The following TOP1MT variants were observed in gnomAD, a reference collection of about 807,000 sequenced individuals.
TOP1MT encodes DNA topoisomerase I, mitochondrial.
A neutral mutation model predicts 73.9 loss-of-function variants in TOP1MT; 80 were observed. That is an observed-to-expected ratio of 1.08 (90% CI 0.90 to 1.30). The LOEUF is 1.30. Among genes scored for constraint, TOP1MT ranks in the 50% most tolerant of loss-of-function variants. The pLI is 0.00. For synonymous variants in TOP1MT, 338 were observed against 326.4 expected, an observed-to-expected ratio of 1.04 and a Z score of -0.38; for missense variants, 815 against 808.0, an observed-to-expected ratio of 1.01 and a Z score of -0.10.
rs1260221052 is a variant in TOP1MT at position 143,309,436 on chromosome 8, C to T, written c.*5G>A. The T allele has an allele frequency of 2.5e-6, 4 of 1,613,204 alleles. No homozygotes were observed. Among genetic ancestry groups the T allele is most frequent in the Admixed American group, 1.7e-5 (1 of 60,018 alleles). ...ATACAAAAGAAGTTTCAACACGGCT[C>T]GTCGTTAGAATTCAAAGTCTTCTCC... On this transcript the variant is annotated 3_prime_UTR_variant, in exon 14 of 14. Coordinates refer to ENST00000329245, the MANE Select transcript of TOP1MT (RefSeq NM_052963.3).
intron 12 of TOP1MT, among the ~76,000 whole-genome samples, chr8:143,312,733 G>C (rs995428541): frequency 1.3e-5 from 2 of 152,120 alleles, no homozygotes; most frequent in Non-Finnish European, 2.9e-5. Flanking sequence ...GAAATAAAAG[G>C]CATATGATTG....
intron 1 of TOP1MT, chr8:143,332,693 A>G (rs745576416): frequency 6.3e-6 from 4 of 634,038 alleles, no homozygotes; most frequent in Non-Finnish European, 9.9e-6. Context: ...TAGAAGACGT[A>G]GAGACGGAGC....
rs1031614983 is a variant in TOP1MT at position 143,353,449 on chromosome 8, T to C, written c.-39+2516A>G. Among the ~76,000 whole-genome samples, 19 of 148,704 alleles carry C rather than the reference T, an allele frequency of 1.3e-4. No individual in the cohort carries two copies. The East Asian group carries it at 3.7e-3, about 29-fold the overall frequency. On this transcript the variant is annotated intron_variant, in intron 1 of 5. Transcript: ENST00000518760. Reference sequence around the variant, plus strand: ...AAAAAAAAAAGGTAAAGATTGTAAATAAACATTTCTTCAAAGATGAGATAC... The same window carrying C: ...AAAAAAAAAAGGTAAAGATTGTAAACAAACATTTCTTCAAAGATGAGATAC...
upstream of TOP1MT, among the ~76,000 whole-genome samples, chr8:143,339,436 C>T (rs1193086827): frequency 6.6e-6 from 1 of 152,180 alleles, no homozygotes; most frequent in Non-Finnish European, 1.5e-5. Context: ...GTGACCTTGG[C>T]CCGGTTACTT....
Position 143,342,425 on chromosome 8 carries a change from GCT to G in TOP1MT, c.29+793_29+794del, listed in dbSNP as rs748741691. 2.7e-4 allele frequency among the ~76,000 whole-genome samples: 33 copies of G among 120,152 alleles called. 1 individual carries two copies. Among genetic ancestry groups the G allele is most frequent in the East Asian group, 7.1e-4 (3 of 4,226 alleles). 78.8% of individuals were successfully genotyped at this position (120,152 alleles called of 152,430 possible). ...TTATTATTATTAGAGACAGAGTCTC[GCT>G]CTGTTATTATTATTATTATTAGAGA... On this transcript the variant is annotated intron_variant, in intron 2 of 5. Transcript: ENST00000518007.
chr8:143,342,263 GTTATTA>G (rs754072900), intron 2 of TOP1MT, among the ~76,000 whole-genome samples: 11 of 125,200 alleles, frequency 8.8e-5, no homozygotes, highest in African/African-American at 2.4e-4. Context: ...GTCTCGCTCT[GTTATTA>G]TTATTATTAG....
chr8:143,323,347 T>G (rs1171687699), intron 7 of TOP1MT, among the ~76,000 whole-genome samples: 11 of 31,590 alleles, frequency 3.5e-4, no homozygotes, highest in East Asian at 1.1e-3. Flanking sequence ...GCCACACACA[T>G]GCACGCCACA....
At chr8:143,313,861 A>G (rs75794246) in intron 12 of TOP1MT, among the ~76,000 whole-genome samples, 1 of 131,356 alleles carries the variant, frequency 7.6e-6, no homozygotes, top group Admixed American at 7.3e-5. Flanking sequence ...TCTCCAAAGG[A>G]AAAAAAAAAA....
chr8:143,318,125 C>T, intron 8 of TOP1MT, 39 bp from the exon 9 acceptor site: 1 of 1,603,450 alleles, frequency 6.2e-7, no homozygotes, highest in Non-Finnish European at 8.5e-7. Flanking sequence ...ACAGAAAAAA[C>T]CCGAATCCAG....
chr8:143,350,535 TTGGCCAGGC>T (rs1490252362), intron 1 of TOP1MT, among the ~76,000 whole-genome samples: 2 of 152,172 alleles, frequency 1.3e-5, no homozygotes, highest in African/African-American at 4.8e-5. Context: ...TTTCGCCATG[TTGGCCAGGC>T]TGGCCTCGAA....
intron 3 of TOP1MT, chr8:143,327,421 TC>T (rs1186606590): frequency 6.4e-6 from 1 of 155,294 alleles, no homozygotes; most frequent in Non-Finnish European, 1.4e-5. Context: ...ACGGTCCCAG[TC>T]CAGGCTCGGC....
chr8:143,342,329 T>TGGA (rs1563771468), intron 2 of TOP1MT, among the ~76,000 whole-genome samples: 1 of 139,878 alleles, frequency 7.1e-6, no homozygotes, highest in Non-Finnish European at 1.5e-5. Flanking sequence ...AGAGTCTCGC[T>TGGA]GTTATTATTA....
upstream of TOP1MT, among the ~76,000 whole-genome samples, chr8:143,358,830 G>A (rs1210158371): frequency 1.3e-5 from 2 of 152,126 alleles, no homozygotes; most frequent in Non-Finnish European, 2.9e-5. Flanking sequence ...AACCGGCCAC[G>A]AGCCTCTGTT....
intron 1 of TOP1MT, 38 bp from the exon 2 acceptor site, chr8:143,331,377 A>C (rs1233782736): frequency 6.4e-7 from 1 of 1,564,470 alleles, no homozygotes; most frequent in Non-Finnish European, 8.8e-7. Flanking sequence ...CTCCTGGGCC[A>C]GGCCCTGCAT....
At chr8:143,329,304 G>A (rs1304559874) in intron 3 of TOP1MT, 46 bp downstream of exon 3, 1 of 1,539,458 alleles carries the variant, frequency 6.5e-7, no homozygotes. Context: ...CAGACGCCTA[G>A]CCAGCCAGGT....
At chr8:143,318,437 C>A (rs903705593) in intron 8 of TOP1MT, among the ~76,000 whole-genome samples, 13 of 152,242 alleles carry the variant, frequency 8.5e-5, no homozygotes, top group African/African-American at 2.9e-4. Flanking sequence ...AGACACTCAT[C>A]TGACATCACA....
intron 2 of TOP1MT, among the ~76,000 whole-genome samples, chr8:143,330,646 G>T (rs914765313): frequency 6.6e-6 from 1 of 152,202 alleles, no homozygotes; most frequent in African/African-American, 2.4e-5. Flanking sequence ...TTCTAGCAGA[G>T]ATGAAGAAAA....
At position 143,326,212 on chromosome 8, in the gene TOP1MT, G is replaced by A. The variant is rs774393072; in HGVS notation, c.483+10C>T. 5.0e-6 allele frequency: 8 copies of A among 1,613,474 alleles called. No individual in the cohort carries two copies. In the Admixed American group the frequency reaches 1.3e-4, roughly 27 times the overall value. ...CACTTCAGGTCACACAACGCTCGAG[G>A]CAGCCCAACCTGCTTCTCCTCCCTG... On this transcript the variant is annotated intron_variant, in intron 4 of 13. Coordinates refer to ENST00000329245, the MANE Select transcript of TOP1MT (RefSeq NM_052963.3).
rs890811329 is a variant in TOP1MT at position 143,341,137 on chromosome 8, C to T, written c.29+2083G>A. Reference sequence around the variant, plus strand: ...AGGCTTGCCCCTAGCGTCCCCGCCACCCTCTTCTCGTGCTGCCGCCCCAGT... The same window carrying T: ...AGGCTTGCCCCTAGCGTCCCCGCCATCCTCTTCTCGTGCTGCCGCCCCAGT... On this transcript the variant is annotated intron_variant, in intron 2 of 5. Transcript: ENST00000518007. The surrounding 1 kb of genome is among the most constrained non-coding windows in gnomAD (Gnocchi z 4.1). Among the ~76,000 whole-genome samples the T allele has an allele frequency of 2.6e-5, 4 of 152,230 alleles. No homozygotes were observed. The East Asian group carries it at 5.8e-4, about 22-fold the overall frequency.
Sources: allele counts gnomAD v4.1 joint callset (sites outside exome capture counted in the v4.1 genomes callset), GRCh38; gene constraint gnomAD v4.1.1; non-coding constraint Gnocchi (gnomAD v3.1); transcripts MANE v1.5; gene names NCBI Gene and HGNC (gene_info 2026-07-23, HGNC 2026-07-21).